Variants in NRG3 observed in about 807,000 individuals in gnomAD.
NRG3 encodes neuregulin 3.
Under a neutral mutation model 66.9 loss-of-function variants are expected in NRG3, and 31 were observed. That is an observed-to-expected ratio of 0.46 (90% CI 0.35 to 0.63). The LOEUF (loss-of-function observed/expected upper bound fraction) is 0.63, where lower values mean the gene tolerates loss of function less well. Among genes scored for constraint, NRG3 ranks in the 20% least tolerant of loss-of-function variants. The pLI is 0.00. For synonymous variants in NRG3, 393 were observed against 359.4 expected (o/e 1.09, Z -1.06); for missense variants, 910 against 878.9 (o/e 1.04, Z -0.45).
At chr10:82,133,731 T>A (rs546396878) in intron 1 of NRG3, among the ~76,000 whole-genome samples, 2 of 152,166 alleles carry the variant, frequency 1.3e-5, no homozygotes, top group African/African-American at 4.8e-5. Flanking sequence ...TTCACATGCA[T>A]GTGTATTTAT....
At chr10:82,135,972 C>T (rs1258797387) in intron 1 of NRG3, among the ~76,000 whole-genome samples, 3 of 152,064 alleles carry the variant, frequency 2.0e-5, no homozygotes, top group Non-Finnish European at 4.4e-5. Context: ...TCTTTGTACC[C>T]ATTCTTCTAG....
At chr10:82,981,200 G>C (rs1852852962) in intron 8 of NRG3, among the ~76,000 whole-genome samples, 1 of 152,160 alleles carries the variant, frequency 6.6e-6, no homozygotes, top group African/African-American at 2.4e-5. Context: ...GCAATGCTTT[G>C]CTTTTTTAAC....
chr10:82,631,588 GTT>G (rs59620029), intron 2 of NRG3, among the ~76,000 whole-genome samples: 2 of 132,360 alleles, frequency 1.5e-5, no homozygotes. Context: ...TTCAGCCGTG[GTT>G]TTTTTTTTTT....
intron 2 of NRG3, among the ~76,000 whole-genome samples, chr10:82,475,198 T>C (rs1307227577): frequency 1.3e-5 from 2 of 152,202 alleles, no homozygotes; most frequent in East Asian, 3.9e-4. Context: ...TAAATAAAAT[T>C]GACCAACCTT....
chr10:82,159,335 G>A (rs2071407955), intron 1 of NRG3, among the ~76,000 whole-genome samples: 1 of 151,786 alleles, frequency 6.6e-6, no homozygotes, highest in Non-Finnish European at 1.5e-5. Flanking sequence ...CACTCTCTCA[G>A]CACTCCAAAT....
intron 2 of NRG3, among the ~76,000 whole-genome samples, chr10:82,377,155 A>G (rs1253661835): frequency 6.6e-6 from 1 of 152,054 alleles, no homozygotes; most frequent in East Asian, 1.9e-4. Flanking sequence ...TTTTTCTTTA[A>G]TAGTGAATGC....
intron 2 of NRG3, among the ~76,000 whole-genome samples, chr10:82,596,452 C>G (rs1455163362): frequency 6.6e-6 from 1 of 152,140 alleles, no homozygotes; most frequent in African/African-American, 2.4e-5. Context: ...TGGCTACTCC[C>G]TGTTTCTCAA....
intron 2 of NRG3, among the ~76,000 whole-genome samples, chr10:82,708,160 A>T (rs1222312635): frequency 1.3e-5 from 2 of 151,816 alleles, no homozygotes; most frequent in African/African-American, 4.8e-5. Context: ...CTCATCTGCT[A>T]TTTTTTCCGT....
chr10:82,364,716 A>G (rs1458863132), intron 2 of NRG3, among the ~76,000 whole-genome samples: 1 of 152,222 alleles, frequency 6.6e-6, no homozygotes, highest in Non-Finnish European at 1.5e-5. Context: ...AACTTTGGAA[A>G]GGATAGCATT....
At chr10:81,929,997 C>T (rs914401560) in intron 1 of NRG3, among the ~76,000 whole-genome samples, 4 of 152,164 alleles carry the variant, frequency 2.6e-5, no homozygotes, top group Admixed American at 6.5e-5. Context: ...GACTTTCGCA[C>T]TATATCCCAG....
chr10:82,251,501 G>A (rs571628125), intron 1 of NRG3, among the ~76,000 whole-genome samples: 1 of 152,208 alleles, frequency 6.6e-6, no homozygotes, highest in Admixed American at 6.5e-5. Context: ...CCTGGCTTCA[G>A]TGCTGCACTC....
chr10:82,009,782 C>G (rs1343370580), intron 1 of NRG3, among the ~76,000 whole-genome samples: 2 of 152,170 alleles, frequency 1.3e-5, no homozygotes, highest in African/African-American at 2.4e-5. Flanking sequence ...TCCCTGGGAT[C>G]AGACCTTTCA....
At chr10:82,017,804 A>C (rs2061854984) in intron 1 of NRG3, among the ~76,000 whole-genome samples, 2 of 151,722 alleles carry the variant, frequency 1.3e-5, no homozygotes, top group African/African-American at 4.8e-5. Context: ...TTTTCTTGTA[A>C]ATTTGTTTGA....
At chr10:82,021,371 G>A (rs2062052855) in intron 1 of NRG3, among the ~76,000 whole-genome samples, 1 of 152,002 alleles carries the variant, frequency 6.6e-6, no homozygotes, top group Admixed American at 6.6e-5. Context: ...ACATACCAGA[G>A]GGCAAGAAAA....
intron 3 of NRG3, among the ~76,000 whole-genome samples, chr10:82,840,691 C>T (rs78383965): frequency 0.022 from 3,359 of 152,186 alleles, 55 homozygotes; most frequent in Middle Eastern, 0.037. Flanking sequence ...CTTGTGTCAT[C>T]GCAGGCACTC....
intron 2 of NRG3, among the ~76,000 whole-genome samples, chr10:82,363,495 A>G (rs1291058441): frequency 6.6e-6 from 1 of 152,146 alleles, no homozygotes; most frequent in Non-Finnish European, 1.5e-5. Context: ...TCGCTCTGTC[A>G]CCCAGGCTGG....
intron 1 of NRG3, among the ~76,000 whole-genome samples, chr10:81,936,234 T>C (rs540688015): frequency 1.3e-5 from 2 of 152,220 alleles, no homozygotes; most frequent in South Asian, 4.1e-4. Flanking sequence ...GGGAGAAATA[T>C]AAGAAAGGAG....
Position 82,357,549 on chromosome 10 carries a change from G to T in NRG3, c.824-1190G>T, listed in dbSNP as rs549707689. Among the ~76,000 whole-genome samples the T allele has an allele frequency of 1.7e-3, 261 of 152,294 alleles. 2 individuals are homozygous for T. Among genetic ancestry groups the T allele is most frequent in the South Asian group, 4.6e-3 (22 of 4,834 alleles). ...GGCTGCATCTGCTGAGGGCATTCTT[G>T]CTGGCAAGGACTCTGCAAGCCCTGA... On this transcript the variant is annotated intron_variant, in intron 1 of 8. Coordinates refer to ENST00000372141, the MANE Select transcript of NRG3 (RefSeq NM_001010848.4).
intron 3 of NRG3, among the ~76,000 whole-genome samples, chr10:82,860,049 G>A (rs1316204706): frequency 6.6e-6 from 1 of 152,116 alleles, no homozygotes; most frequent in Non-Finnish European, 1.5e-5. Flanking sequence ...AGATCATTTG[G>A]TTCAATGTTG....
Sources: gnomAD v4.1 joint callset for allele counts (sites outside exome capture counted in the v4.1 genomes callset) on GRCh38, gnomAD v4.1.1 for gene constraint, MANE v1.5 for transcripts, NCBI Gene and HGNC (gene_info 2026-07-23, HGNC 2026-07-21) for gene names.